ANKRD44: variants seen among roughly 807,000 people sequenced by gnomAD.
The protein encoded by ANKRD44 is serine/threonine-protein phosphatase 6 regulatory ankyrin repeat subunit B.
A neutral mutation model predicts 116.0 loss-of-function variants in ANKRD44; 35 were observed. That is an observed-to-expected ratio of 0.30 (90% CI 0.23 to 0.40). The LOEUF is 0.40. Ranked by LOEUF, ANKRD44 falls within the 10% of genes least tolerant of loss-of-function variation. ANKRD44 has a pLI of 1.00. For missense variants in ANKRD44, 1,014 were observed against 1,242.6 expected (o/e 0.82, Z 2.77); for synonymous variants, 435 against 461.8 (o/e 0.94, Z 0.74).
chr2:197,089,340 A>G (rs1383597543), intron 11 of ANKRD44, among the ~76,000 whole-genome samples: 1 of 152,188 alleles, frequency 6.6e-6, no homozygotes, highest in Admixed American at 6.5e-5. Flanking sequence ...TGCCTTGCAG[A>G]CCTCTACCAT....
At chr2:197,119,726 C>T (rs1458314350) in intron 8 of ANKRD44, among the ~76,000 whole-genome samples, 3 of 152,124 alleles carry the variant, frequency 2.0e-5, no homozygotes, top group African/African-American at 7.2e-5. Context: ...TTTTTCAAAA[C>T]CAGAGACAGA....
intron 16 of ANKRD44, among the ~76,000 whole-genome samples, chr2:197,041,320 C>G (rs1186076690): frequency 6.6e-6 from 1 of 152,076 alleles, no homozygotes; most frequent in African/African-American, 2.4e-5. Context: ...TGGTAACGGC[C>G]AAGGATTTTC....
intron 16 of ANKRD44, among the ~76,000 whole-genome samples, chr2:197,063,406 C>G (rs1321868007): frequency 6.6e-6 from 1 of 152,202 alleles, no homozygotes; most frequent in East Asian, 1.9e-4. Flanking sequence ...CTCTCCCCCT[C>G]CAAAGGAACG....
intron 1 of ANKRD44, among the ~76,000 whole-genome samples, chr2:197,295,394 C>T (rs946554461): frequency 6.6e-5 from 10 of 152,102 alleles, no homozygotes; most frequent in African/African-American, 1.9e-4. Context: ...ATAGACAAGA[C>T]GTAAACAAAT....
chr2:196,973,161 A>T (rs2075727520), intron 21 of ANKRD44, among the ~76,000 whole-genome samples: 1 of 152,168 alleles, frequency 6.6e-6, no homozygotes, highest in African/African-American at 2.4e-5. Context: ...GTATGCCATT[A>T]TCTTTGATTT....
intron 21 of ANKRD44, among the ~76,000 whole-genome samples, chr2:196,979,992 A>G (rs906719357): frequency 5.9e-5 from 9 of 152,188 alleles, no homozygotes; most frequent in African/African-American, 1.9e-4. Flanking sequence ...GGCAAGGAAA[A>G]TGATCATTAA....
At chr2:197,182,754 C>T (rs945342141) in intron 2 of ANKRD44, among the ~76,000 whole-genome samples, 6 of 152,150 alleles carry the variant, frequency 3.9e-5, no homozygotes, top group African/African-American at 1.2e-4. Flanking sequence ...TCAGATCCCA[C>T]GAATGTTGTA....
In ANKRD44 at chr2:196,988,442, G is replaced by T. The variant is rs79438465; in HGVS notation, c.*1149C>A. 1,295 of 985,256 alleles carry T rather than the reference G, an allele frequency of 1.3e-3. 12 individuals carry two copies. The African/African-American group carries it at 0.021, about 16-fold the overall frequency. The allele number at this position is 985,256 out of a possible 1,614,324, so 61.0% of individuals were successfully genotyped here. A position where few individuals can be genotyped will look rare whatever the true frequency, so the allele number is the denominator to read the frequency against. ...AACACCAAGAATTCAAAAAAACAATGGTGGTGGTGTGGAAAATTTTCAGTG... is the reference window on the plus strand; with the variant it reads ...AACACCAAGAATTCAAAAAAACAATTGTGGTGGTGTGGAAAATTTTCAGTG... On this transcript the variant is annotated 3_prime_UTR_variant, in exon 28 of 28. Coordinates refer to ENST00000282272, the MANE Select transcript of ANKRD44 (RefSeq NM_001195144.2).
At chr2:196,994,580 T>A (rs1354290407) in intron 26 of ANKRD44, 1 of 152,054 alleles carries the variant, frequency 6.6e-6, no homozygotes, top group African/African-American at 2.4e-5. Flanking sequence ...AGTGGCACGA[T>A]CTCAGCTCAC....
chr2:197,048,669 T>C (rs1045583500), intron 16 of ANKRD44, among the ~76,000 whole-genome samples: 38 of 152,246 alleles, frequency 2.5e-4, no homozygotes, highest in African/African-American at 9.2e-4. Flanking sequence ...TGTGTCTTTA[T>C]GACAGCATGA....
chr2:197,272,769 A>G (rs2082937720), intron 1 of ANKRD44, among the ~76,000 whole-genome samples: 1 of 152,102 alleles, frequency 6.6e-6, no homozygotes, highest in Non-Finnish European at 1.5e-5. Flanking sequence ...TTGGACCCTC[A>G]CCAGACACCA....
chr2:197,083,452 C>A lies in ANKRD44; in HGVS notation c.1374G>T (p.Val458=). 1 of 1,613,968 alleles carries A rather than the reference C, an allele frequency of 6.2e-7. No homozygotes were observed. Among genetic ancestry groups the A allele is most frequent in the Non-Finnish European group, 8.5e-7 (1 of 1,179,904 alleles). Residue 458 remains valine, a synonymous_variant, in exon 14 of 28, where the codon GTG becomes GTT. Coordinates refer to ENST00000282272, the MANE Select transcript of ANKRD44 (RefSeq NM_001195144.2). ...TTTCATTAACGTTGGCCCCTGTGGTCACTAATGTCTCAATACAGTGGAAAT... is the reference window on the plus strand; with the variant it reads ...TTTCATTAACGTTGGCCCCTGTGGTAACTAATGTCTCAATACAGTGGAAAT... ...NCHFHCIETL[V]TTGANVNETD...
At chr2:197,074,626 A>G (rs146550891) in intron 16 of ANKRD44, among the ~76,000 whole-genome samples, 1 of 152,186 alleles carries the variant, frequency 6.6e-6, no homozygotes, top group East Asian at 1.9e-4. Context: ...TGCACATCAC[A>G]TCACCATACC....
At chr2:197,100,777 C>A (rs1351535620) in intron 9 of ANKRD44, among the ~76,000 whole-genome samples, 2 of 152,112 alleles carry the variant, frequency 1.3e-5, no homozygotes, top group Non-Finnish European at 2.9e-5. Flanking sequence ...TTTATAAAAA[C>A]TATGACAATA....
At chr2:197,030,716 A>T (rs900283293) in intron 16 of ANKRD44, among the ~76,000 whole-genome samples, 1 of 146,212 alleles carries the variant, frequency 6.8e-6, no homozygotes, top group African/African-American at 2.8e-5. Context: ...ACTGATTTTT[A>T]AAAATAAAAC....
At chr2:197,162,086 C>G (rs950325327) in intron 2 of ANKRD44, among the ~76,000 whole-genome samples, 1 of 152,186 alleles carries the variant, frequency 6.6e-6, no homozygotes, top group Non-Finnish European at 1.5e-5. Context: ...CCCAGAAGAC[C>G]CCATTACTAT....
At chr2:197,061,621 G>A (rs1256825573) in intron 16 of ANKRD44, among the ~76,000 whole-genome samples, 3 of 152,236 alleles carry the variant, frequency 2.0e-5, no homozygotes, top group East Asian at 1.9e-4. Context: ...AGCTCCTGCA[G>A]AATATGGGGG....
chr2:197,241,053 C>G (rs950998750), intron 1 of ANKRD44, among the ~76,000 whole-genome samples: 21 of 152,064 alleles, frequency 1.4e-4, no homozygotes, highest in Admixed American at 1.3e-4. Context: ...CATTTTAAGT[C>G]TATTCCTCCT....
chr2:197,157,335 CT>C (rs1161166480), intron 2 of ANKRD44, among the ~76,000 whole-genome samples: 1 of 152,108 alleles, frequency 6.6e-6, no homozygotes, highest in Admixed American at 6.5e-5. Flanking sequence ...AAGTGAAGTT[CT>C]TACAAAAGAA....
Sources: allele counts gnomAD v4.1 joint callset (sites outside exome capture counted in the v4.1 genomes callset), GRCh38; gene constraint gnomAD v4.1.1; transcripts MANE v1.5; gene names NCBI Gene and HGNC (gene_info 2026-07-23, HGNC 2026-07-21).